PES1: variants seen among roughly 807,000 people sequenced by gnomAD.
PES1 encodes the protein pescadillo homolog.
Under a neutral mutation model 77.1 loss-of-function variants are expected in PES1, and 31 were observed. The observed-to-expected ratio is 0.40, with a 90% CI of 0.30 to 0.54. PES1 has a LOEUF of 0.54. PES1 is among the 20% of genes least tolerant of loss of function. The probability of loss-of-function intolerance (pLI) is 0.45; values close to 1 mark genes in which losing one functional copy is unlikely to be tolerated. For missense variants in PES1, 658 were observed against 771.7 expected (o/e 0.85, Z 1.75); for synonymous variants, 282 against 303.0 (o/e 0.93, Z 0.72).
Position 30,578,931 on chromosome 22 carries a change from C to T in PES1, c.1589G>A (p.Ser530Asn), listed in dbSNP as rs2086940003. ...DKQRLAQEEESEAKRLAIMMM... is the reference protein window; with the variant it reads ...DKQRLAQEEENEAKRLAIMMM... Reference sequence around the variant, plus strand: ...CATAATGGCCAGGCGCTTGGCCTCACTCTCCTCCTCCTGGGCCAGCCGCTG... The same window carrying T: ...CATAATGGCCAGGCGCTTGGCCTCATTCTCCTCCTCCTGGGCCAGCCGCTG... The change falls in exon 14 of 15, where the codon AGT becomes AAT. Residue 530 changes from serine (S) to asparagine (N), a missense_variant. By Grantham distance (46) the Ser-to-Asn change is conservative. Transcript: ENST00000354694. 1.2e-6 allele frequency: 2 copies of T among 1,613,484 alleles called. No individual in the cohort carries two copies. The highest frequency in any genetic ancestry group is 1.7e-6 in the Non-Finnish European group (2 of 1,179,982).
intron 3 of PES1, 70 bp from the exon 4 acceptor site, chr22:30,587,465 T>A: frequency 8.3e-7 from 1 of 1,209,400 alleles, no homozygotes; most frequent in Non-Finnish European, 1.2e-6. Context: ...CCATGGAAGA[T>A]GGAAACGCAG....
At chr22:30,603,186 C>A (rs780760783) in intron 2 of PES1, among the ~76,000 whole-genome samples, 1 of 152,006 alleles carries the variant, frequency 6.6e-6, no homozygotes, top group Non-Finnish European at 1.5e-5. Context: ...GCTGGGATTT[C>A]AGGCATGAGC....
At chr22:30,580,747 C>A in intron 9 of PES1, 46 bp from the exon 10 acceptor site, 1 of 1,609,262 alleles carries the variant, frequency 6.2e-7, no homozygotes, top group Non-Finnish European at 8.5e-7. Context: ...GCTGCCCACC[C>A]CCACTGGAGG....
intron 12 of PES1, 183 bp from the exon 13 acceptor site, chr22:30,579,486 C>A: frequency 1.0e-6 from 1 of 964,244 alleles, no homozygotes; most frequent in Non-Finnish European, 1.5e-6. Context: ...GAGGAAATTC[C>A]AAGACCCCCA....
chr22:30,582,587 T>C (rs1221033065), intron 6 of PES1, among the ~76,000 whole-genome samples: 1 of 152,162 alleles, frequency 6.6e-6, no homozygotes, highest in African/African-American at 2.4e-5. Context: ...CCAGCCCATT[T>C]GGCCCCCAGG....
intron 6 of PES1, among the ~76,000 whole-genome samples, chr22:30,582,138 G>A (rs946339166): frequency 6.6e-6 from 1 of 152,244 alleles, no homozygotes; most frequent in Non-Finnish European, 1.5e-5. Flanking sequence ...GGTGCTCCCA[G>A]CGCTGTCTCT....
chr22:30,604,638 AAATAAAT>A (rs1258094264), intron 2 of PES1, among the ~76,000 whole-genome samples: 1 of 1,066 alleles, frequency 9.4e-4, no homozygotes, highest in Non-Finnish European at 1.4e-3. Flanking sequence ...CAAAAAAAAT[AAATAAAT>A]AAGAAAAAAT....
rs979338334 is a variant in PES1, at chr22:30,581,056, C to G, written c.868G>C (p.Ala290Pro). ...TCCACCTCGGCCTCCTCCTCTGTGG[C>G]AGGCACCACCACGCGGGCCAGGCTG... ...SASLARVVVP[A>P]TEEEAEVDEF... The change falls in exon 9 of 15, where the codon GCC becomes CCC. Residue 290 changes from alanine (A) to proline (P), a missense_variant. Physicochemically the swap from Ala to Pro is conservative, Grantham distance 27 (BLOSUM62 -1). Transcript: ENST00000354694. The G allele has an allele frequency of 3.7e-6, 6 of 1,611,984 alleles. No individual in the cohort carries two copies. Among genetic ancestry groups the G allele is most frequent in the Middle Eastern group, 1.6e-4 (1 of 6,076 alleles).
At chr22:30,599,721 G>GA (rs201340710) in intron 2 of PES1, among the ~76,000 whole-genome samples, 12,230 of 151,990 alleles carry the variant, frequency 0.08, 561 homozygotes, top group South Asian at 0.12. Flanking sequence ...CCAACATGGA[G>GA]AAACCCCGTC....
Position 30,581,531 on chromosome 22 carries a change from C to G in PES1, c.744G>C (p.Pro248=), listed in dbSNP as rs147244950. 6.2e-7 allele frequency: 1 copy of G among 1,613,174 alleles called. No individual in the cohort carries two copies. Residue 248 remains proline, a synonymous_variant, in exon 7 of 15, where the codon CCG becomes CCC. Coordinates refer to ENST00000354694, the MANE Select transcript of PES1 (RefSeq NM_014303.4). ...LYQLLNLHYP[P]KLEGQAQAEA... ...AGGCACTGGGCTGGGGTCCTACCTT[C>G]GGGGGATAGTGGAGGTTGAGCAACT... is the stretch of plus-strand genomic sequence containing the variant.
chr22:30,581,587 G>C lies in PES1; in HGVS notation c.688C>G (p.Leu230Val). The C allele has an allele frequency of 6.2e-7, 1 of 1,613,872 alleles. No homozygotes were observed. Residue 230 changes from leucine (L) to valine (V), a missense_variant, in exon 7 of 15, where the codon CTG (leucine) becomes GTG (valine). Leu to Val is a conservative substitution (Grantham distance 32). Transcript: ENST00000354694. Reference sequence around the variant, plus strand: ...AGGCGGAAGTTGACAAAGCCCAGCAGCGTGGTGTAGAACTCGGTGAAGGTG... The same window carrying C: ...AGGCGGAAGTTGACAAAGCCCAGCACCGTGGTGTAGAACTCGGTGAAGGTG... ...MATFTEFYTT[L>V]LGFVNFRLYQ...
intron 14 of PES1, among the ~76,000 whole-genome samples, chr22:30,577,559 G>T (rs1312264702): frequency 2.0e-5 from 3 of 152,150 alleles, no homozygotes; most frequent in Admixed American, 2.0e-4. Flanking sequence ...GGAGCACAGT[G>T]GCACAATCAT....
upstream of PES1, among the ~76,000 whole-genome samples, chr22:30,595,910 A>G (rs570643282): frequency 1.4e-4 from 21 of 152,250 alleles, no homozygotes; most frequent in African/African-American, 4.8e-4. Flanking sequence ...GGGAAGTGCA[A>G]TTATAGGGGG....
Position 30,587,516 on chromosome 22 carries a change from A to G in PES1, c.259-121T>C, listed in dbSNP as rs891212576. 1.8e-5 allele frequency: 13 copies of G among 714,174 alleles called. No homozygotes were observed. The East Asian group carries it at 2.9e-4, about 16-fold the overall frequency. 44.2% of individuals were successfully genotyped at this position (714,174 alleles called of 1,614,324 possible). A position where few individuals can be genotyped will look rare whatever the true frequency, so the allele number is the denominator to read the frequency against. ...ATGCCTCCTGAAGCTGGCCACGGCT[A>G]TGTGCCTGTGTCACTGACCCCTCTG... On this transcript the variant is annotated intron_variant, in intron 3 of 14. Transcript: ENST00000354694.
chr22:30,592,500 A>T, upstream of PES1: 2 of 788,426 alleles, frequency 2.5e-6, no homozygotes, highest in Non-Finnish European at 3.1e-6. Flanking sequence ...TGGTATATTT[A>T]AAATGTACAT....
intron 2 of PES1, among the ~76,000 whole-genome samples, chr22:30,604,268 A>G (rs980887369): frequency 2.0e-4 from 31 of 152,256 alleles, no homozygotes; most frequent in African/African-American, 7.0e-4. Context: ...TTTTAGGGGG[A>G]AAAATATAAA....
upstream of PES1, among the ~76,000 whole-genome samples, chr22:30,593,344 G>C (rs530466160): frequency 2.0e-5 from 3 of 152,096 alleles, no homozygotes; most frequent in Non-Finnish European, 2.9e-5. Context: ...AAAATTAGCC[G>C]GGTGTGGTGG....
chr22:30,587,935 G>T, intron 3 of PES1, 86 bp downstream of exon 3: 3 of 1,346,344 alleles, frequency 2.2e-6, no homozygotes, highest in Non-Finnish European at 3.2e-6. Context: ...CTCAGAGAGG[G>T]TAGGCAATCT....
rs1205944777 is a variant in PES1 at position 30,600,118 on chromosome 22, T to TC, written c.-661+5342dup. On this transcript the variant is annotated intron_variant, in intron 2 of 16. Transcript: ENST00000402281. The stretch of plus-strand genomic sequence containing the variant: ...AGGCAGAGACAGGCAGATAGCCTGA[T>TC]CTCAGGAGTTTGAGACCACCCTGGG... Among the ~76,000 whole-genome samples, 10 of 152,122 alleles carry TC rather than the reference T, an allele frequency of 6.6e-5. No individual in the cohort carries two copies. The East Asian group carries it at 1.9e-3, about 29-fold the overall frequency.
Sources: gnomAD v4.1 joint callset for allele counts (sites outside exome capture counted in the v4.1 genomes callset) on GRCh38, gnomAD v4.1.1 for gene constraint, MANE v1.5 for transcripts, NCBI Gene and HGNC (gene_info 2026-07-23, HGNC 2026-07-21) for gene names.